The following ILKAP variants were observed in gnomAD, a reference collection of about 807,000 sequenced individuals.
ILKAP encodes integrin-linked kinase-associated serine/threonine phosphatase 2C.
A neutral mutation model predicts 49.1 loss-of-function variants in ILKAP; 11 were observed. That is an observed-to-expected ratio of 0.22 (90% confidence interval 0.14 to 0.37). ILKAP has a LOEUF of 0.37. Among genes scored for constraint, ILKAP ranks in the 10% least tolerant of loss-of-function variants. The pLI is 1.00. For missense variants in ILKAP, 363 were observed against 510.8 expected, an observed-to-expected ratio of 0.71 and a Z score of 2.79; for synonymous variants, 186 against 192.8, an observed-to-expected ratio of 0.96 and a Z score of 0.29.
intron 1 of ILKAP, among the ~76,000 whole-genome samples, chr2:238,199,909 C>T (rs1005426127): frequency 6.6e-6 from 1 of 152,034 alleles, no homozygotes; most frequent in Non-Finnish European, 1.5e-5. Flanking sequence ...GCCATCGAGC[C>T]CAGCCTCCAA....
intron 10 of ILKAP, among the ~76,000 whole-genome samples, chr2:238,171,680 G>T (rs561667678): frequency 4.6e-5 from 7 of 152,148 alleles, no homozygotes; most frequent in Non-Finnish European, 8.8e-5. Context: ...AAATATACAA[G>T]AATTTATAAC....
chr2:238,195,148 C>CT (rs1013226889), intron 1 of ILKAP, among the ~76,000 whole-genome samples: 3 of 152,046 alleles, frequency 2.0e-5, no homozygotes, highest in Non-Finnish European at 4.4e-5. Flanking sequence ...CAAGTATTTT[C>CT]TTGATAATTT....
intron 3 of ILKAP, among the ~76,000 whole-genome samples, chr2:238,191,969 T>C (rs1208777929): frequency 6.7e-6 from 1 of 150,368 alleles, no homozygotes; most frequent in Non-Finnish European, 1.5e-5. Flanking sequence ...TCCCAGCACT[T>C]TGGGAGGCAG....
At chr2:238,202,867 G>A (rs927875940) in intron 1 of ILKAP, among the ~76,000 whole-genome samples, 2 of 150,272 alleles carry the variant, frequency 1.3e-5, no homozygotes, top group Non-Finnish European at 3.0e-5. Flanking sequence ...TCAAGGAGAG[G>A]GGGAACTTCC....
chr2:238,201,525 C>T (rs1448600103), intron 1 of ILKAP, among the ~76,000 whole-genome samples: 1 of 152,192 alleles, frequency 6.6e-6, no homozygotes, highest in Non-Finnish European at 1.5e-5. Context: ...CCTCTGCCAC[C>T]CTTTCAGCTC....
rs766220207 is a variant in ILKAP at position 238,182,206 on chromosome 2, AAT to A, written c.715-22_715-21del. ...GATTGCCTGGGAAGATGGAGATTGT[AAT>A]AGTCATGAAATTCAGTGGGCGCAGC... is the stretch of plus-strand genomic sequence containing the variant. On this transcript the variant is annotated intron_variant, in intron 8 of 11. Transcript: ENST00000254654. 3.1e-6 allele frequency: 5 copies of A among 1,612,350 alleles called. No individual in the cohort carries two copies. The African/African-American group carries it at 5.3e-5, about 17-fold the overall frequency.
At chr2:238,171,866 AC>A (rs1391634616) in intron 10 of ILKAP, among the ~76,000 whole-genome samples, 2 of 151,560 alleles carry the variant, frequency 1.3e-5, no homozygotes, top group African/African-American at 2.4e-5. Context: ...TCAGAATCAA[AC>A]CCCCCTAGAC....
chr2:238,203,568 G>A lies in ILKAP; in HGVS notation c.-15C>T. On this transcript the variant is annotated 5_prime_UTR_variant, in exon 1 of 12. Transcript: ENST00000254654. ...AAGAGGTCCATGGCGGAGGCTGGGTGGAGGCGGCAGCAGCGACAGACACTC... is the reference window on the plus strand; with the variant it reads ...AAGAGGTCCATGGCGGAGGCTGGGTAGAGGCGGCAGCAGCGACAGACACTC... 2.6e-6 allele frequency: 3 copies of A among 1,155,886 alleles called. No homozygotes were observed. The highest frequency in any genetic ancestry group is 3.2e-6 in the Non-Finnish European group (3 of 936,636). 71.6% of individuals were successfully genotyped at this position (1,155,886 alleles called of 1,614,324 possible). A position where few individuals can be genotyped will look rare whatever the true frequency, so the allele number is the denominator to read the frequency against.
At chr2:238,197,187 C>T (rs1269789407) in intron 1 of ILKAP, among the ~76,000 whole-genome samples, 1 of 152,220 alleles carries the variant, frequency 6.6e-6, no homozygotes, top group Admixed American at 6.5e-5. Context: ...CAAAACCAGA[C>T]TCTGTCCCCA....
intron 1 of ILKAP, among the ~76,000 whole-genome samples, chr2:238,197,946 C>T (rs909956972): frequency 6.6e-6 from 1 of 152,122 alleles, no homozygotes; most frequent in Non-Finnish European, 1.5e-5. Flanking sequence ...TGTTCAAGAT[C>T]ACAGAGCCAG....
intron 1 of ILKAP, among the ~76,000 whole-genome samples, chr2:238,196,218 G>C (rs949720324): frequency 7.3e-5 from 11 of 151,074 alleles, no homozygotes; most frequent in Admixed American, 6.6e-5. Flanking sequence ...AGCCTCCTGA[G>C]TAGGTGAGAT....
chr2:238,181,438 T>G (rs1346177104), intron 9 of ILKAP, among the ~76,000 whole-genome samples: 1 of 152,078 alleles, frequency 6.6e-6, no homozygotes, highest in African/African-American at 2.4e-5. Flanking sequence ...TTTTCAAAGA[T>G]TTAAAGAGAG....
At chr2:238,197,434 C>T (rs888582937) in intron 1 of ILKAP, among the ~76,000 whole-genome samples, 13 of 152,134 alleles carry the variant, frequency 8.5e-5, no homozygotes. Context: ...CAGGTAACAG[C>T]CCAACATGAA....
At chr2:238,183,868 C>G in intron 7 of ILKAP, 128 bp from the exon 8 acceptor site, 1 of 975,128 alleles carries the variant, frequency 1.0e-6, no homozygotes, top group Non-Finnish European at 1.6e-6. Flanking sequence ...TGCTTTTTTT[C>G]TGTTTTAGAT....
intron 11 of ILKAP, 104 bp from the exon 12 acceptor site, chr2:238,170,780 G>T: frequency 6.4e-7 from 1 of 1,571,374 alleles, no homozygotes; most frequent in Non-Finnish European, 8.8e-7. Flanking sequence ...CTCCATCAGG[G>T]CTGGCAGGAC....
intron 1 of ILKAP, among the ~76,000 whole-genome samples, chr2:238,203,180 G>A (rs1694648245): frequency 6.6e-6 from 1 of 151,050 alleles, no homozygotes; most frequent in Non-Finnish European, 1.5e-5. Context: ...TTCAGAGCCG[G>A]TCCCTCGGGT....
chr2:238,187,809 A>T (rs977689998), intron 5 of ILKAP, among the ~76,000 whole-genome samples: 22 of 152,212 alleles, frequency 1.4e-4, no homozygotes, highest in African/African-American at 5.1e-4. Context: ...GGGCTGCTCA[A>T]CCGCGACACT....
intron 9 of ILKAP, among the ~76,000 whole-genome samples, chr2:238,176,093 T>C (rs915536355): frequency 8.9e-5 from 13 of 146,030 alleles, no homozygotes; most frequent in African/African-American, 2.8e-4. Context: ...TTCCCTCAGT[T>C]TCCCCCCCAC....
At chr2:238,185,095 C>A in intron 6 of ILKAP, 86 bp downstream of exon 6, 1 of 830,966 alleles carries the variant, frequency 1.2e-6, no homozygotes, top group South Asian at 1.5e-5. Context: ...CTGCTAAAGC[C>A]AAAATAACAC....
Sources: allele counts gnomAD v4.1 joint callset (sites outside exome capture counted in the v4.1 genomes callset), GRCh38; gene constraint gnomAD v4.1.1; transcripts MANE v1.5; gene names NCBI Gene and HGNC (gene_info 2026-07-23, HGNC 2026-07-21).